Variants in DCDC2 observed in about 807,000 individuals in gnomAD.
DCDC2 encodes the protein doublecortin domain containing 2.
A neutral mutation model predicts 50.2 loss-of-function variants in DCDC2; 40 were observed. The observed-to-expected ratio is 0.80, with a 90% CI of 0.62 to 1.04. The LOEUF (loss-of-function observed/expected upper bound fraction) is 1.04, where lower values mean the gene tolerates loss of function less well. Among genes scored for constraint, DCDC2 ranks in the 50% least tolerant of loss-of-function variants. DCDC2 has a pLI of 0.00. For synonymous variants in DCDC2, 234 were observed against 210.6 expected (o/e 1.11, Z -0.96); for missense variants, 570 against 581.9 (o/e 0.98, Z 0.21).
At chr6:24,328,490 C>T (rs1451989941) in intron 2 of DCDC2, among the ~76,000 whole-genome samples, 1 of 152,154 alleles carries the variant, frequency 6.6e-6, no homozygotes, top group Non-Finnish European at 1.5e-5. Context: ...AGAATCCCTG[C>T]TTTTGGGACT....
At chr6:24,185,523 A>T (rs999581678) in intron 8 of DCDC2, among the ~76,000 whole-genome samples, 1 of 152,224 alleles carries the variant, frequency 6.6e-6, no homozygotes, top group Non-Finnish European at 1.5e-5. Flanking sequence ...GCAAAAAAAT[A>T]AAAATGCTGC....
intron 6 of DCDC2, 72 bp from the exon 7 acceptor site, chr6:24,278,283 C>A: frequency 7.2e-7 from 1 of 1,391,486 alleles, no homozygotes; most frequent in South Asian, 1.4e-5. Flanking sequence ...AAATACATGT[C>A]ATTAACTACT....
At chr6:24,326,755 T>G (rs1759875744) in intron 2 of DCDC2, among the ~76,000 whole-genome samples, 1 of 147,382 alleles carries the variant, frequency 6.8e-6, no homozygotes, top group Non-Finnish European at 1.5e-5. Flanking sequence ...GCTAGTCAGG[T>G]GGCTGAAGCA....
chr6:24,269,098 GA>G (rs1763184982), intron 7 of DCDC2, among the ~76,000 whole-genome samples: 1 of 152,156 alleles, frequency 6.6e-6, no homozygotes, highest in African/African-American at 2.4e-5. Context: ...GGGCAATAGA[GA>G]AGAATAAAAA....
intron 6 of DCDC2, among the ~76,000 whole-genome samples, chr6:24,285,552 C>A (rs1299972873): frequency 6.6e-6 from 1 of 152,130 alleles, no homozygotes; most frequent in Non-Finnish European, 1.5e-5. Context: ...ATCCCTGGGG[C>A]TTACTACTGT....
chr6:24,232,688 G>A (rs1762361232), intron 7 of DCDC2, among the ~76,000 whole-genome samples: 1 of 152,120 alleles, frequency 6.6e-6, no homozygotes, highest in African/African-American at 2.4e-5. Context: ...ATTTTGATGG[G>A]TTGAACAAGG....
chr6:24,220,907 A>AGAGTGAGCGAGCGAGC (rs1245620317), intron 7 of DCDC2, among the ~76,000 whole-genome samples: 14 of 132,144 alleles, frequency 1.1e-4, no homozygotes, highest in East Asian at 2.2e-4. Context: ...AGCGAGCGAG[A>AGAGTGAGCGAGCGAGC]GAGTGAGCGA....
chr6:24,358,923 ATATATTATATATTT>A (rs1760559193), upstream of DCDC2, among the ~76,000 whole-genome samples: 3 of 59,498 alleles, frequency 5.0e-5, no homozygotes, highest in Non-Finnish European at 8.0e-5. Context: ...TATATATATT[ATATATTATATATTT>A]TATATATTAT....
At chr6:24,315,094 A>G (rs1406911026) in intron 2 of DCDC2, among the ~76,000 whole-genome samples, 1 of 152,052 alleles carries the variant, frequency 6.6e-6, no homozygotes, top group Non-Finnish European at 1.5e-5. Flanking sequence ...TGATAGATAT[A>G]CTAGTGGAAT....
intron 2 of DCDC2, among the ~76,000 whole-genome samples, chr6:24,322,798 T>C (rs990132005): frequency 1.3e-5 from 2 of 152,188 alleles, no homozygotes; most frequent in Admixed American, 6.5e-5. Flanking sequence ...TTTCTTTAAA[T>C]GTATTTGATT....
At chr6:24,281,775 T>C (rs529805932) in intron 6 of DCDC2, among the ~76,000 whole-genome samples, 2 of 152,260 alleles carry the variant, frequency 1.3e-5, no homozygotes, top group South Asian at 4.1e-4. Flanking sequence ...TAGGGGAGTT[T>C]TGCTATCTCA....
intron 4 of DCDC2, among the ~76,000 whole-genome samples, chr6:24,299,412 C>T (rs1478361293): frequency 6.6e-6 from 1 of 152,024 alleles, no homozygotes. Flanking sequence ...CATCTGTACC[C>T]GAAATCTCAG....
intron 6 of DCDC2, among the ~76,000 whole-genome samples, chr6:24,287,579 T>C (rs1487572788): frequency 1.3e-5 from 2 of 152,210 alleles, no homozygotes; most frequent in Admixed American, 1.3e-4. Flanking sequence ...GAGCTTGGCA[T>C]AGTGTTGAGC....
chr6:24,329,406 G>C (rs1759929211), intron 2 of DCDC2, among the ~76,000 whole-genome samples: 1 of 152,064 alleles, frequency 6.6e-6, no homozygotes, highest in African/African-American at 2.4e-5. Context: ...TTTCAACTTA[G>C]GTTTATTGAA....
At chr6:24,382,677 C>T in the DCDC2 span, among the ~76,000 whole-genome samples, 2 of 152,166 alleles carry the variant, frequency 1.3e-5, no homozygotes, top group Admixed American at 6.5e-5. Flanking sequence ...GGGCTTCTTT[C>T]GTATTTTCAC....
chr6:24,304,477 T>C (rs1759434934), intron 2 of DCDC2, among the ~76,000 whole-genome samples: 1 of 152,190 alleles, frequency 6.6e-6, no homozygotes. Context: ...AGCGAGACTC[T>C]GTCTCAAAAG....
chr6:24,206,612 A>G, intron 7 of DCDC2, among the ~76,000 whole-genome samples: 1 of 152,232 alleles, frequency 6.6e-6, no homozygotes, highest in East Asian at 1.9e-4. Context: ...CAAAAGGAAT[A>G]CAGTCTTAAT....
chr6:24,316,696 G>C (rs928671400), intron 2 of DCDC2, among the ~76,000 whole-genome samples: 3 of 152,060 alleles, frequency 2.0e-5, no homozygotes, highest in African/African-American at 7.2e-5. Flanking sequence ...TATATCCTTT[G>C]ACAGTAAATG....
chr6:24,245,335 A>G (rs944871443), intron 7 of DCDC2, among the ~76,000 whole-genome samples: 1 of 152,224 alleles, frequency 6.6e-6, no homozygotes, highest in African/African-American at 2.4e-5. Flanking sequence ...AGATCCCAGC[A>G]TAAAACCGGG....
Sources: gnomAD v4.1 joint callset for allele counts (sites outside exome capture counted in the v4.1 genomes callset) on GRCh38, gnomAD v4.1.1 for gene constraint, MANE v1.5 for transcripts, NCBI Gene and HGNC (gene_info 2026-07-23, HGNC 2026-07-21) for gene names.